The following LHFPL2 variants were observed in gnomAD, a reference collection of about 807,000 sequenced individuals.
LHFPL2 encodes LHFPL tetraspan subfamily member 2, also known as LHFPL tetraspan subfamily member 2 protein.
Under a neutral mutation model 17.5 loss-of-function variants are expected in LHFPL2, and 7 were observed. The observed-to-expected ratio is 0.40, with a 90% CI of 0.23 to 0.75. LHFPL2 has a LOEUF of 0.75. Ranked by LOEUF, LHFPL2 falls within the 30% of genes least tolerant of loss-of-function variation. LHFPL2 has a pLI of 0.37. For missense variants in LHFPL2, 241 were observed against 294.8 expected (o/e 0.82, Z 1.34); for synonymous variants, 134 against 116.2 (o/e 1.15, Z -0.99).
chr5:78,600,548 G>A (rs1283018947), intron 2 of LHFPL2, among the ~76,000 whole-genome samples: 1 of 152,012 alleles, frequency 6.6e-6, no homozygotes, highest in Non-Finnish European at 1.5e-5. Context: ...GACCAACATG[G>A]AGAAACCCTG....
At chr5:78,542,060 A>T (rs1756129494) in intron 3 of LHFPL2, among the ~76,000 whole-genome samples, 1 of 152,220 alleles carries the variant, frequency 6.6e-6, no homozygotes, top group Non-Finnish European at 1.5e-5. Flanking sequence ...AAATTACAGG[A>T]ATTTAATAGC....
intron 3 of LHFPL2, among the ~76,000 whole-genome samples, chr5:78,549,844 C>A (rs1756389664): frequency 6.6e-6 from 1 of 152,174 alleles, no homozygotes; most frequent in Admixed American, 6.5e-5. Context: ...ATGGTAATTC[C>A]TGAGTGGGGG....
chr5:78,493,882 T>G (rs868541246), intron 4 of LHFPL2, among the ~76,000 whole-genome samples: 3 of 152,208 alleles, frequency 2.0e-5, no homozygotes, highest in Middle Eastern at 3.2e-3. Context: ...CGAAGTTTGC[T>G]GGAGACTTGG....
At chr5:78,498,412 G>A (rs746461984) in intron 4 of LHFPL2, among the ~76,000 whole-genome samples, 5 of 152,178 alleles carry the variant, frequency 3.3e-5, no homozygotes, top group African/African-American at 7.2e-5. Flanking sequence ...TGTTTTCTAC[G>A]TTTTTAATCT....
chr5:78,628,212 T>C (rs73148063), intron 2 of LHFPL2, among the ~76,000 whole-genome samples: 8,522 of 152,256 alleles, frequency 0.056, 795 homozygotes, highest in African/African-American at 0.19. Flanking sequence ...AAAGGGCTAA[T>C]GAAATTATCT....
intron 3 of LHFPL2, among the ~76,000 whole-genome samples, chr5:78,561,409 C>T (rs112754007): frequency 2.2e-4 from 34 of 152,310 alleles, no homozygotes; most frequent in South Asian, 4.1e-4. Flanking sequence ...TTTGCCCCTT[C>T]GGCTAGAATT....
chr5:78,605,987 T>C lies in LHFPL2; in HGVS notation c.-245+26277A>G, dbSNP rs541341827. On this transcript the variant is annotated intron_variant, in intron 2 of 4. Coordinates refer to ENST00000380345, the MANE Select transcript of LHFPL2 (RefSeq NM_005779.3). ...TTTTACAAAATTAACTTCTCTAATATGAGGACTGATGAAACAATAACAAAA... is the reference window on the plus strand; with the variant it reads ...TTTTACAAAATTAACTTCTCTAATACGAGGACTGATGAAACAATAACAAAA... Among the ~76,000 whole-genome samples the C allele has an allele frequency of 2.2e-4, 34 of 152,316 alleles. 1 individual carries two copies. In the South Asian group the frequency reaches 6.6e-3, roughly 30 times the overall value.
At chr5:78,504,559 G>T (rs951622905) in intron 4 of LHFPL2, among the ~76,000 whole-genome samples, 2 of 152,194 alleles carry the variant, frequency 1.3e-5, no homozygotes, top group Non-Finnish European at 2.9e-5. Flanking sequence ...AAATCCTGGA[G>T]AGTGATCAGC....
intron 1 of LHFPL2, among the ~76,000 whole-genome samples, chr5:78,633,203 T>C (rs982006881): frequency 6.6e-6 from 1 of 152,146 alleles, no homozygotes. Flanking sequence ...CCTGGTCGGT[T>C]GTGAGAGGAC....
intron 2 of LHFPL2, among the ~76,000 whole-genome samples, chr5:78,580,658 A>G (rs896647979): frequency 2.0e-5 from 3 of 151,912 alleles, no homozygotes; most frequent in African/African-American, 7.3e-5. Flanking sequence ...ATAGTTGGAG[A>G]TATGCGGCGT....
intron 2 of LHFPL2, among the ~76,000 whole-genome samples, chr5:78,585,792 A>G (rs549201552): frequency 1.3e-5 from 2 of 152,218 alleles, no homozygotes; most frequent in African/African-American, 4.8e-5. Flanking sequence ...AAAACTCACA[A>G]CAATTTTATG....
chr5:78,497,222 C>A (rs1754634052), intron 4 of LHFPL2, among the ~76,000 whole-genome samples: 1 of 152,224 alleles, frequency 6.6e-6, no homozygotes, highest in East Asian at 1.9e-4. Flanking sequence ...TCTAGCTGTT[C>A]CCTTTGCCTG....
At chr5:78,511,579 A>G (rs902308213) in intron 3 of LHFPL2, among the ~76,000 whole-genome samples, 1 of 152,214 alleles carries the variant, frequency 6.6e-6, no homozygotes, top group African/African-American at 2.4e-5. Context: ...TGAGAACTGC[A>G]AAGAGCCCCC....
intron 4 of LHFPL2, among the ~76,000 whole-genome samples, chr5:78,501,710 A>G (rs1754780287): frequency 6.6e-6 from 1 of 152,208 alleles, no homozygotes; most frequent in African/African-American, 2.4e-5. Context: ...ATGAGCCTAC[A>G]TGGCTTACTC....
intron 2 of LHFPL2, among the ~76,000 whole-genome samples, chr5:78,573,317 C>T (rs928931116): frequency 1.3e-5 from 2 of 152,158 alleles, no homozygotes; most frequent in Admixed American, 1.3e-4. Context: ...TTGAGCTAAA[C>T]TGAAAGGATG....
chr5:78,566,981 C>T (rs956988166), intron 2 of LHFPL2, among the ~76,000 whole-genome samples: 1 of 152,224 alleles, frequency 6.6e-6, no homozygotes, highest in South Asian at 2.1e-4. Context: ...TGAGTCACAA[C>T]AAAATGAGTC....
chr5:78,603,183 T>C (rs1744084912), intron 2 of LHFPL2, among the ~76,000 whole-genome samples: 1 of 152,150 alleles, frequency 6.6e-6, no homozygotes, highest in Non-Finnish European at 1.5e-5. Flanking sequence ...TGAGCCACCA[T>C]ACCTAGCCGA....
intron 3 of LHFPL2, among the ~76,000 whole-genome samples, chr5:78,555,256 G>T (rs185619100): frequency 6.6e-6 from 1 of 152,174 alleles, no homozygotes; most frequent in Non-Finnish European, 1.5e-5. Context: ...ACCAAGCAAG[G>T]AGGTAAAAAC....
intron 1 of LHFPL2, among the ~76,000 whole-genome samples, chr5:78,641,840 T>C (rs1022746969): frequency 1.3e-5 from 2 of 151,992 alleles, no homozygotes; most frequent in Non-Finnish European, 2.9e-5. Flanking sequence ...GTTTACATTC[T>C]CAGCAAGTGA....
Sources: allele counts gnomAD v4.1 joint callset (sites outside exome capture counted in the v4.1 genomes callset), GRCh38; gene constraint gnomAD v4.1.1; transcripts MANE v1.5; gene names NCBI Gene and HGNC (gene_info 2026-07-23, HGNC 2026-07-21).